The following SH3D19 variants were observed in gnomAD, a reference collection of about 807,000 sequenced individuals.
The protein encoded by SH3D19 is SH3 domain-containing protein 19.
Under a neutral mutation model 112.1 loss-of-function variants are expected in SH3D19, and 58 were observed. That is an observed-to-expected ratio of 0.52 (90% CI 0.42 to 0.64). SH3D19 has a LOEUF of 0.64. Ranked by LOEUF, SH3D19 falls within the 30% of genes least tolerant of loss-of-function variation. The pLI, the probability that SH3D19 is intolerant of heterozygous loss-of-function variation, is 0.00. For missense variants in SH3D19, 1,090 were observed against 1,263.4 expected, an observed-to-expected ratio of 0.86 and a Z score of 2.08; for synonymous variants, 391 against 448.5, an observed-to-expected ratio of 0.87 and a Z score of 1.62.
At chr4:151,206,218 T>C (rs1580152687) in intron 2 of SH3D19, among the ~76,000 whole-genome samples, 3 of 152,304 alleles carry the variant, frequency 2.0e-5, no homozygotes, top group African/African-American at 7.2e-5. Context: ...AAATATAACA[T>C]GTCAGGGAGT....
At chr4:151,231,849 AG>A (rs949607193) in intron 1 of SH3D19, among the ~76,000 whole-genome samples, 1 of 152,212 alleles carries the variant, frequency 6.6e-6, no homozygotes, top group Admixed American at 6.5e-5. Context: ...TTACCCAGGA[AG>A]GGAAGAATTG....
rs531963942 is a variant in SH3D19, at chr4:151,214,013, G to T, written c.152+12034C>A. Among the ~76,000 whole-genome samples the T allele has an allele frequency of 3.4e-3, 512 of 150,006 alleles. 5 individuals carry two copies. The highest frequency in any genetic ancestry group is 0.012 in the African/African-American group (480 of 40,938). ...GGTTTTCCTAGGCAGAGGACCCTGA[G>T]GCCTTCCGCAGTGTTTGTGTCCCTG... is the stretch of plus-strand genomic sequence containing the variant. On this transcript the variant is annotated intron_variant, in intron 2 of 19. Transcript: ENST00000604030.
chr4:151,156,914 T>C (rs1437954415), intron 9 of SH3D19, among the ~76,000 whole-genome samples: 3 of 152,208 alleles, frequency 2.0e-5, no homozygotes, highest in Non-Finnish European at 2.9e-5. Flanking sequence ...ACTACTCATC[T>C]GATAGGGGAT....
intron 3 of SH3D19, among the ~76,000 whole-genome samples, chr4:151,180,781 T>G (rs912030432): frequency 1.3e-5 from 2 of 149,944 alleles, no homozygotes; most frequent in Non-Finnish European, 3.0e-5. Flanking sequence ...TTTTTTTTTC[T>G]GAGATGGGGT....
At chr4:151,200,561 T>C (rs1256474742) in intron 2 of SH3D19, among the ~76,000 whole-genome samples, 1 of 152,198 alleles carries the variant, frequency 6.6e-6, no homozygotes, top group African/African-American at 2.4e-5. Flanking sequence ...TTGGTAGCTT[T>C]AAATTGGCCA....
chr4:151,224,388 G>A (rs1768640177), intron 2 of SH3D19, among the ~76,000 whole-genome samples: 1 of 152,130 alleles, frequency 6.6e-6, no homozygotes, highest in African/African-American at 2.4e-5. Context: ...TCAAATCGGT[G>A]CAGACTTTTT....
chr4:151,283,351 T>C, intron 1 of SH3D19: 2 of 1,472,490 alleles, frequency 1.4e-6, no homozygotes, highest in Middle Eastern at 1.7e-4. Context: ...CAGGTTTTCC[T>C]ATCTGTAAAT....
chr4:151,224,312 G>GA (rs1269046068), intron 2 of SH3D19, among the ~76,000 whole-genome samples: 22 of 142,026 alleles, frequency 1.5e-4, no homozygotes, highest in Admixed American at 5.6e-4. Context: ...CCATCTCAAA[G>GA]AAAAAAAAAA....
intron 1 of SH3D19, among the ~76,000 whole-genome samples, chr4:151,256,414 G>C (rs1343345784): frequency 6.6e-6 from 1 of 152,204 alleles, no homozygotes; most frequent in African/African-American, 2.4e-5. Context: ...TCTTCTATTA[G>C]GTTCCACTTT....
intron 1 of SH3D19, among the ~76,000 whole-genome samples, chr4:151,260,036 T>G (rs1345400147): frequency 6.6e-6 from 1 of 152,210 alleles, no homozygotes; most frequent in Non-Finnish European, 1.5e-5. Flanking sequence ...GTTTTTTTCC[T>G]TTTTGAAAGA....
At chr4:151,171,136 A>G (rs545923553) in intron 7 of SH3D19, among the ~76,000 whole-genome samples, 64 of 152,262 alleles carry the variant, frequency 4.2e-4, no homozygotes, top group Non-Finnish European at 7.4e-4. Flanking sequence ...TCCTTAATCT[A>G]GAGCCCAAAA....
At chr4:151,307,377 CCTT>C (rs1201534376) in intron 1 of SH3D19, among the ~76,000 whole-genome samples, 3 of 152,216 alleles carry the variant, frequency 2.0e-5, no homozygotes, top group African/African-American at 7.2e-5. Context: ...ACAACATGAG[CCTT>C]CTTTGGCCAA....
At chr4:151,262,653 T>C (rs1371241887) in intron 1 of SH3D19, 2 of 150,834 alleles carry the variant, frequency 1.3e-5, no homozygotes. Context: ...CCCTTTGCTC[T>C]ATGTACTGTC....
At chr4:151,159,155 T>C in intron 9 of SH3D19, 85 bp downstream of exon 9, 1 of 720,658 alleles carries the variant, frequency 1.4e-6, no homozygotes. Flanking sequence ...TGACCAGTAA[T>C]AAAATAATTT....
intron 4 of SH3D19, among the ~76,000 whole-genome samples, chr4:151,177,983 CAG>C (rs1236324134): frequency 1.3e-5 from 2 of 152,188 alleles, no homozygotes; most frequent in Non-Finnish European, 2.9e-5. Flanking sequence ...GGCTGGAGTG[CAG>C]TGGCACAATC....
chr4:151,178,319 T>C (rs1760273909), intron 4 of SH3D19, among the ~76,000 whole-genome samples: 1 of 152,200 alleles, frequency 6.6e-6, no homozygotes, highest in South Asian at 2.1e-4. Context: ...ACATGGATGA[T>C]AATACCTGCT....
chr4:151,177,380 C>T (rs1229022557), intron 4 of SH3D19, among the ~76,000 whole-genome samples: 2 of 152,202 alleles, frequency 1.3e-5, no homozygotes, highest in East Asian at 1.9e-4. Context: ...CACTCTGTTG[C>T]CCAGGCTGGA....
At chr4:151,294,889 G>A (rs1775593356) in intron 1 of SH3D19, among the ~76,000 whole-genome samples, 1 of 152,208 alleles carries the variant, frequency 6.6e-6, no homozygotes, top group Non-Finnish European at 1.5e-5. Flanking sequence ...GGTGGTCAGG[G>A]AAGGTTCTCT....
In SH3D19 at chr4:151,148,115, G is replaced by T. The variant is rs938376617; in HGVS notation, c.1889C>A (p.Pro630Gln). The T allele has an allele frequency of 4.3e-6, 7 of 1,613,920 alleles. No individual in the cohort carries two copies. The African/African-American group carries it at 9.3e-5, about 22-fold the overall frequency. ...AGATCTTCTGGTTGCAGAAAGCTTT[G>T]GGGGAGGTGGTCTCTCAGGGGGCAC... ...TKVPPERPPP[P>Q]KLSATRRSNK... is the part of the protein sequence containing the mutation. Residue 630 changes from proline to glutamine, a missense_variant, in exon 11 of 20, where the codon CCA (proline) becomes CAA (glutamine). Physicochemically the swap from Pro to Gln is moderately conservative, Grantham distance 76. Coordinates refer to ENST00000604030, the MANE Select transcript of SH3D19 (RefSeq NM_001378122.1).
Sources: gnomAD v4.1 joint callset for allele counts (sites outside exome capture counted in the v4.1 genomes callset) on GRCh38, gnomAD v4.1.1 for gene constraint, MANE v1.5 for transcripts, NCBI Gene and HGNC (gene_info 2026-07-23, HGNC 2026-07-21) for gene names.